ACVR2B: variants seen among roughly 807,000 people sequenced by gnomAD.
ACVR2B encodes activin A receptor type 2B.
A neutral mutation model predicts 65.1 loss-of-function variants in ACVR2B; 18 were observed. The ratio of observed to expected loss-of-function variants is 0.28; its 90% CI spans 0.19 to 0.41. The LOEUF (loss-of-function observed/expected upper bound fraction) is 0.41. Ranked by LOEUF, ACVR2B falls within the 10% of genes least tolerant of loss-of-function variation. ACVR2B has a pLI of 1.00. For synonymous variants in ACVR2B, 298 were observed against 277.7 expected, an observed-to-expected ratio of 1.07 and a Z score of -0.73; for missense variants, 482 against 682.7, an observed-to-expected ratio of 0.71 and a Z score of 3.28.
Position 38,483,181 on chromosome 3 carries a change from A to G in ACVR2B, c.1388A>G (p.His463Arg), listed in dbSNP as rs1221184474. The G allele has an allele frequency of 9.9e-6, 16 of 1,614,174 alleles. No individual in the cohort carries two copies. Among genetic ancestry groups the G allele is most frequent in the Non-Finnish European group, 1.2e-5 (14 of 1,180,036 alleles). Residue 463 changes from histidine to arginine, a missense_variant, in exon 11 of 11, where the codon CAT becomes CGT. His to Arg is a conservative substitution (Grantham distance 29). Around this residue, in one of 5 missense-constraint regions of ACVR2B, gnomAD observed 223 missense variants for 386.3 expected, o/e 0.58. Coordinates refer to ENST00000352511, the MANE Select transcript of ACVR2B (RefSeq NM_001106.4). The surrounding 1 kb of genome is among the most constrained non-coding windows in gnomAD (Gnocchi z 4.8). The stretch of plus-strand genomic sequence containing the variant: ...GTGACCATCGAGGAGTGCTGGGACC[A>G]TGATGCAGAGGCTCGCTTGTCCGCG... ...LCVTIEECWD[H>R]DAEARLSAGC...
intron 1 of ACVR2B, among the ~76,000 whole-genome samples, chr3:38,457,063 G>T (rs1293433803): frequency 6.6e-6 from 1 of 152,162 alleles, no homozygotes; most frequent in Non-Finnish European, 1.5e-5. Flanking sequence ...AATTAGCTGG[G>T]TGTGGTGGCA....
At chr3:38,454,693 A>C in intron 1 of ACVR2B, 1 of 251,300 alleles carries the variant, frequency 4.0e-6, no homozygotes, top group Non-Finnish European at 7.6e-6. Context: ...GAGTGAGGAA[A>C]ACCTGAGCGT....
At position 38,484,765 on chromosome 3, in the gene ACVR2B, C is replaced by T. The variant is rs774213927; in HGVS notation, c.*1433C>T. ...AGTAAAAGAATTAAAACTTCACGACCACAGATCACCTCAAACCAGAAATAC... is the reference window on the plus strand; with the variant it reads ...AGTAAAAGAATTAAAACTTCACGACTACAGATCACCTCAAACCAGAAATAC... On this transcript the variant is annotated 3_prime_UTR_variant, in exon 11 of 11. Transcript: ENST00000352511. 3 of 152,562 alleles carry T rather than the reference C, an allele frequency of 2.0e-5. No homozygotes were observed. The highest frequency in any genetic ancestry group is 2.9e-5 in the Non-Finnish European group (2 of 68,030). 9.5% of individuals were successfully genotyped at this position (152,562 alleles called of 1,614,324 possible).
Position 38,481,877 on chromosome 3 carries a change from C to T in ACVR2B, c.1075-321C>T, listed in dbSNP as rs1359247181. ...CTGTTATTATTTTTTAAGTGTTCTCCTTCCCTCTTTGTTTTTGGTCTTAAT... is the reference window on the plus strand; with the variant it reads ...CTGTTATTATTTTTTAAGTGTTCTCTTTCCCTCTTTGTTTTTGGTCTTAAT... On this transcript the variant is annotated intron_variant, in intron 8 of 10. Coordinates refer to ENST00000352511, the MANE Select transcript of ACVR2B (RefSeq NM_001106.4). The surrounding 1 kb of genome is among the most constrained non-coding windows in gnomAD (Gnocchi z 4.7). Among the ~76,000 whole-genome samples the T allele has an allele frequency of 6.6e-6, 1 of 152,074 alleles. No individual in the cohort carries two copies. The highest frequency in any genetic ancestry group is 1.5e-5 in the Non-Finnish European group (1 of 68,006).
At chr3:38,479,853 T>C in intron 7 of ACVR2B, 27 bp downstream of exon 7, 8 of 1,612,198 alleles carry the variant, frequency 5.0e-6, no homozygotes, top group Non-Finnish European at 6.8e-6. Context: ...GTGCCTTTCC[T>C]GCACTTGACC....
chr3:38,481,448 G>A lies in ACVR2B; in HGVS notation c.1057G>A (p.Gly353Arg). 1 of 1,614,200 alleles carries A rather than the reference G, an allele frequency of 6.2e-7. No homozygotes were observed. The highest frequency in any genetic ancestry group is 8.5e-7 in the Non-Finnish European group (1 of 1,180,026). ...AVRFEPGKPP[G>R]DTHGQVGTRR... Reference sequence around the variant, plus strand: ...TCGATTTGAGCCAGGGAAACCTCCAGGGGACACCCACGGACAGGTAACAGG... The same window carrying A: ...TCGATTTGAGCCAGGGAAACCTCCAAGGGACACCCACGGACAGGTAACAGG... The change falls in exon 8 of 11, where the codon GGG becomes AGG. Residue 353 changes from glycine (G) to arginine (R), a missense_variant. By Grantham distance (125) the Gly-to-Arg change is moderately radical (BLOSUM62 -2). Transcript: ENST00000352511. This position sits in a 1 kb window ranked among gnomAD's most constrained non-coding sequence, Gnocchi z 4.7.
At chr3:38,479,000 G>C (rs1259681900) in intron 5 of ACVR2B, 128 bp from the exon 6 acceptor site, 10 of 1,247,788 alleles carry the variant, frequency 8.0e-6, no homozygotes, top group South Asian at 1.2e-5. Context: ...GGGAGGCTGG[G>C]GGGTGGGGAT....
rs1559662877 is a variant in ACVR2B, at chr3:38,492,777, CA to C, written c.*9446del. On this transcript the variant is annotated 3_prime_UTR_variant, in exon 11 of 11. Transcript: ENST00000352511. ...ACACACACACACACACACACACACA[CA>C]CACACACACACACACACACACACAC... 1.8e-4 allele frequency: 9 copies of C among 48,834 alleles called. No homozygotes were observed. Among genetic ancestry groups the C allele is most frequent in the East Asian group, 5.9e-4 (1 of 1,684 alleles). The allele number at this position is 48,834 out of a possible 1,614,324, so 3.0% of individuals were successfully genotyped here.
intron 1 of ACVR2B, among the ~76,000 whole-genome samples, chr3:38,464,103 C>T (rs542239101): frequency 1.2e-4 from 18 of 152,360 alleles, no homozygotes; most frequent in Admixed American, 9.8e-4. Context: ...CCAATAGTCA[C>T]ATTGGAGGTT....
chr3:38,470,439 C>A (rs1044185765), intron 1 of ACVR2B, among the ~76,000 whole-genome samples: 6 of 152,160 alleles, frequency 3.9e-5, no homozygotes, highest in Non-Finnish European at 8.8e-5. Flanking sequence ...AAATAACAAT[C>A]TAAAATTTTA....
chr3:38,460,743 G>T (rs558705564), intron 1 of ACVR2B, among the ~76,000 whole-genome samples: 199 of 152,362 alleles, frequency 1.3e-3, no homozygotes, highest in Non-Finnish European at 1.2e-3. Context: ...TGACCTGCTG[G>T]ACAATGGGCC....
chr3:38,487,983 C>T lies in ACVR2B; in HGVS notation c.*4651C>T, dbSNP rs953136692. 1 of 152,168 alleles carries T rather than the reference C, an allele frequency of 6.6e-6. No individual in the cohort carries two copies. The highest frequency in any genetic ancestry group is 1.9e-4 in the East Asian group (1 of 5,190). 9.4% of individuals were successfully genotyped at this position (152,168 alleles called of 1,614,324 possible). ...CCCATTTCAGGGGCATCAGACCATA[C>T]CTTTTTAAGAAGCTCCGTGAATCTA... On this transcript the variant is annotated 3_prime_UTR_variant, in exon 11 of 11. Transcript: ENST00000352511.
chr3:38,459,429 C>T (rs994403141), intron 1 of ACVR2B: 19 of 216,098 alleles, frequency 8.8e-5, no homozygotes, highest in Non-Finnish European at 1.1e-4. Flanking sequence ...CCTCTTCCTC[C>T]CGTACACGCA....
chr3:38,459,359 A>G (rs768451815), intron 1 of ACVR2B, among the ~76,000 whole-genome samples: 2 of 152,162 alleles, frequency 1.3e-5, no homozygotes, highest in Non-Finnish European at 2.9e-5. Flanking sequence ...GTGGCTGGGC[A>G]GCCTGCCTGC....
In ACVR2B at chr3:38,477,857, C is replaced by T; in HGVS notation, c.261-4C>T. 6.2e-7 allele frequency: 1 copy of T among 1,613,986 alleles called. No homozygotes were observed. Among genetic ancestry groups the T allele is most frequent in the South Asian group, 1.1e-5 (1 of 91,084 alleles). ...GGGGTATATGGAAAATTCTGTGCCT[C>T]CAGGCAGGAGTGTGTGGCCACTGAG... On this transcript the variant is annotated splice_polypyrimidine_tract_variant and splice_region_variant and intron_variant, in intron 2 of 10. Coordinates refer to ENST00000352511, the MANE Select transcript of ACVR2B (RefSeq NM_001106.4). The surrounding 1 kb of genome is among the most constrained non-coding windows in gnomAD (Gnocchi z 6.7).
At chr3:38,457,650 G>A (rs751602169) in intron 1 of ACVR2B, among the ~76,000 whole-genome samples, 6 of 152,214 alleles carry the variant, frequency 3.9e-5, no homozygotes, top group Non-Finnish European at 7.3e-5. Flanking sequence ...TTGGGGTTCA[G>A]ATCAAAGGGC....
At chr3:38,472,175 C>T (rs147673818) in intron 1 of ACVR2B, among the ~76,000 whole-genome samples, 16 of 152,304 alleles carry the variant, frequency 1.1e-4, no homozygotes, top group African/African-American at 2.9e-4. Context: ...TCTCTACACC[C>T]CAGCTGCCCT....
At chr3:38,459,555 G>A (rs1225035769) in intron 1 of ACVR2B, 1 of 983,718 alleles carries the variant, frequency 1.0e-6, no homozygotes, top group African/African-American at 1.7e-5. Flanking sequence ...GGAGCACTGG[G>A]GTTGTAGCAG....
chr3:38,456,343 G>A (rs1709550494), intron 1 of ACVR2B, among the ~76,000 whole-genome samples: 1 of 152,204 alleles, frequency 6.6e-6, no homozygotes, highest in African/African-American at 2.4e-5. Flanking sequence ...TTAATTTCAA[G>A]CTCCTGGCTT....
Sources: gnomAD v4.1 joint callset for allele counts (sites outside exome capture counted in the v4.1 genomes callset) on GRCh38, gnomAD v4.1.1 for gene constraint, gnomAD v4.1.1 regional missense constraint, Gnocchi (gnomAD v3.1) non-coding constraint, MANE v1.5 for transcripts, NCBI Gene and HGNC (gene_info 2026-07-23, HGNC 2026-07-21) for gene names.